The following HIVEP1 variants were observed in gnomAD, a reference collection of about 807,000 sequenced individuals.
The protein encoded by HIVEP1 is HIVEP zinc finger 1, also known as zinc finger protein 40.
Under a neutral mutation model 180.0 loss-of-function variants are expected in HIVEP1, and 36 were observed. That is an observed-to-expected ratio of 0.20 (90% CI 0.15 to 0.26). The LOEUF is 0.26. Among genes scored for constraint, HIVEP1 ranks in the 10% least tolerant of loss-of-function variants. The pLI is 1.00. For missense variants in HIVEP1, 3,143 were observed against 3,268.7 expected, an observed-to-expected ratio of 0.96 and a Z score of 0.94; for synonymous variants, 1,239 against 1,239.0, an observed-to-expected ratio of 1.00 and a Z score of 0.00.
chr6:12,048,729 C>G lies in HIVEP1; in HGVS notation c.40+33061C>G, dbSNP rs574005369. 9.9e-5 allele frequency among the ~76,000 whole-genome samples: 15 copies of G among 152,284 alleles called. No individual in the cohort carries two copies. In the East Asian group the frequency reaches 2.7e-3, roughly 27 times the overall value. On this transcript the variant is annotated intron_variant, in intron 2 of 8. Transcript: ENST00000379388. ...TAGTATTACTCACATCAAAATTATT[C>G]AATCTTTGTGAAACTGAGATACAGG...
At chr6:12,156,496 T>TC (rs1298851791) in intron 7 of HIVEP1, among the ~76,000 whole-genome samples, 1 of 152,160 alleles carries the variant, frequency 6.6e-6, no homozygotes, top group Non-Finnish European at 1.5e-5. Flanking sequence ...AGGGACTCTT[T>TC]CCCCCCATCA....
intron 7 of HIVEP1, among the ~76,000 whole-genome samples, chr6:12,152,627 T>C (rs1161666036): frequency 6.6e-6 from 1 of 152,226 alleles, no homozygotes; most frequent in Non-Finnish European, 1.5e-5. Context: ...TCAAAATTCA[T>C]TTGCAGGTTT....
At chr6:12,204,552 T>C in the HIVEP1 span, among the ~76,000 whole-genome samples, 12 of 152,340 alleles carry the variant, frequency 7.9e-5, no homozygotes, top group East Asian at 2.1e-3. Context: ...AACCTCATTC[T>C]GTGCTATTTT....
chr6:12,077,923 A>G (rs1772479450), intron 2 of HIVEP1, among the ~76,000 whole-genome samples: 1 of 152,118 alleles, frequency 6.6e-6, no homozygotes, highest in African/African-American at 2.4e-5. Context: ...ATCTGTAGTA[A>G]TTTGAGATCA....
intron 2 of HIVEP1, among the ~76,000 whole-genome samples, chr6:12,034,690 T>G (rs1769166714): frequency 6.6e-6 from 1 of 152,234 alleles, no homozygotes; most frequent in Non-Finnish European, 1.5e-5. Context: ...GTGCCCACAT[T>G]GAGCTAATTC....
At chr6:12,174,594 A>G in the HIVEP1 span, among the ~76,000 whole-genome samples, 1 of 152,194 alleles carries the variant, frequency 6.6e-6, no homozygotes, top group Non-Finnish European at 1.5e-5. Context: ...AACTAAACAA[A>G]TTCCTGTGAA....
intron 3 of HIVEP1, among the ~76,000 whole-genome samples, chr6:12,117,493 A>G (rs1014961495): frequency 3.3e-5 from 5 of 152,306 alleles, no homozygotes; most frequent in South Asian, 2.1e-4. Context: ...CTTAACTTCA[A>G]TGTCATTTTC....
intron 3 of HIVEP1, among the ~76,000 whole-genome samples, chr6:12,114,471 G>A (rs1052394983): frequency 6.6e-6 from 1 of 152,022 alleles, no homozygotes; most frequent in African/African-American, 2.4e-5. Flanking sequence ...CCTAAGTGTA[G>A]GGATTACCCA....
intron 2 of HIVEP1, among the ~76,000 whole-genome samples, chr6:12,074,950 T>A (rs1315662545): frequency 6.6e-6 from 1 of 152,216 alleles, no homozygotes; most frequent in East Asian, 1.9e-4. Context: ...ATTGGGATAG[T>A]TGAAATACTT....
chr6:12,122,805 G>C lies in HIVEP1; in HGVS notation c.3010G>C (p.Gly1004Arg), dbSNP rs12525664. Residue 1004 changes from glycine (G) to arginine (R), a missense_variant, in exon 4 of 9, where the codon GGC (glycine) becomes CGC (arginine). Physicochemically the swap from Gly to Arg is moderately radical, Grantham distance 125. Transcript: ENST00000379388. Reference sequence around the variant, plus strand: ...AGAACCTGAGCACAGCCCTGTGCCCGGCGGTCTGCAGCCTCAGATTCTACA... The same window carrying C: ...AGAACCTGAGCACAGCCCTGTGCCCCGCGGTCTGCAGCCTCAGATTCTACA... ...MREPEHSPVPGGLQPQILHYR... is the reference protein window; with the variant it reads ...MREPEHSPVPRGLQPQILHYR... The C allele has an allele frequency of 6.2e-6, 10 of 1,613,532 alleles. No individual in the cohort carries two copies. Among genetic ancestry groups the C allele is most frequent in the Non-Finnish European group, 7.6e-6 (9 of 1,179,896 alleles).
At chr6:12,169,164 G>A (rs1760834468), downstream of HIVEP1, among the ~76,000 whole-genome samples, 1 of 152,158 alleles carries the variant, frequency 6.6e-6, no homozygotes, top group Non-Finnish European at 1.5e-5. Context: ...TGAGATTACA[G>A]GCATGAGCCA....
upstream of HIVEP1, among the ~76,000 whole-genome samples, chr6:12,010,233 AT>A (rs1159490453): frequency 6.6e-6 from 1 of 152,256 alleles, no homozygotes; most frequent in East Asian, 1.9e-4. Context: ...TAGCATTAGT[AT>A]GCTAGACATA....
intron 6 of HIVEP1, among the ~76,000 whole-genome samples, chr6:12,135,055 G>A (rs1192093032): frequency 2.6e-5 from 4 of 152,120 alleles, no homozygotes; most frequent in Non-Finnish European, 4.4e-5. Context: ...AAATTAAAAG[G>A]CCTTATGGGA....
chr6:12,023,894 C>T (rs1164778555), intron 2 of HIVEP1, among the ~76,000 whole-genome samples: 1 of 152,174 alleles, frequency 6.6e-6, no homozygotes, highest in East Asian at 1.9e-4. Context: ...AATCTCCTAT[C>T]ATAGAAAAAC....
intron 3 of HIVEP1, among the ~76,000 whole-genome samples, chr6:12,108,741 G>A (rs1489372484): frequency 4.6e-5 from 7 of 152,180 alleles, no homozygotes; most frequent in African/African-American, 1.2e-4. Context: ...CAAGCGCCGC[G>A]CGCACCCCCG....
the HIVEP1 span, among the ~76,000 whole-genome samples, chr6:12,172,527 T>C: frequency 6.6e-6 from 1 of 152,222 alleles, no homozygotes; most frequent in Non-Finnish European, 1.5e-5. Flanking sequence ...GAGATATTGA[T>C]AAATGACTTT....
In HIVEP1 at chr6:12,123,005, G is replaced by C; in HGVS notation, c.3210G>C (p.Leu1070Phe). The C allele has an allele frequency of 2.5e-6, 4 of 1,614,140 alleles. No individual in the cohort carries two copies. The highest frequency in any genetic ancestry group is 3.4e-6 in the Non-Finnish European group (4 of 1,180,000). The change falls in exon 4 of 9, where the codon TTG (leucine) becomes TTC (phenylalanine). Residue 1070 changes from leucine (L) to phenylalanine (F), a missense_variant. Around this residue, in one of 12 missense-constraint regions of HIVEP1, gnomAD observed 1,357 missense variants for 1,260.5 expected, o/e 1.08. Coordinates refer to ENST00000379388, the MANE Select transcript of HIVEP1 (RefSeq NM_002114.4). ...ATGCTCTGGGCTGTAATCCCAGTTT[G>C]CCTAAACATAATGTTACCATAAGAA... ...FQNALGCNPS[L>F]PKHNVTIRSD...
intron 2 of HIVEP1, among the ~76,000 whole-genome samples, chr6:12,044,848 A>G (rs1331327738): frequency 6.6e-6 from 1 of 151,942 alleles, no homozygotes; most frequent in East Asian, 1.9e-4. Flanking sequence ...CTTGCTGTGC[A>G]TGTGTGTTTG....
chr6:12,060,217 A>G (rs1354668755), intron 2 of HIVEP1, among the ~76,000 whole-genome samples: 5 of 152,234 alleles, frequency 3.3e-5, no homozygotes, highest in African/African-American at 1.2e-4. Context: ...ACATCTATAT[A>G]TTAAACAGTT....
Sources: gnomAD v4.1 joint callset for allele counts (sites outside exome capture counted in the v4.1 genomes callset) on GRCh38, gnomAD v4.1.1 for gene constraint, gnomAD v4.1.1 regional missense constraint, MANE v1.5 for transcripts, NCBI Gene and HGNC (gene_info 2026-07-23, HGNC 2026-07-21) for gene names.